Variants in TTN observed in about 807,000 individuals in gnomAD.
TTN encodes connectin.
A neutral mutation model predicts 3,223.0 loss-of-function variants in TTN; 1,525 were observed. The observed-to-expected ratio is 0.47, with a 90% CI of 0.45 to 0.49. TTN has a LOEUF of 0.49. Ranked by LOEUF, TTN falls within the 20% of genes least tolerant of loss-of-function variation. TTN has a pLI of 0.00. For missense variants in TTN, 40,786 were observed against 43,424.0 expected, an observed-to-expected ratio of 0.94 and a Z score of 5.40; for synonymous variants, 14,094 against 15,161.0, an observed-to-expected ratio of 0.93 and a Z score of 5.17.
chr2:178,566,317 T>C lies in TTN; in HGVS notation c.79815A>G (p.Arg26605=). The C allele has an allele frequency of 1.2e-6, 2 of 1,613,632 alleles. No individual in the cohort carries two copies. Among genetic ancestry groups the C allele is most frequent in the Non-Finnish European group, 1.7e-6 (2 of 1,179,688 alleles). Residue 26605 remains arginine (R), a synonymous_variant, in exon 326 of 363, where the codon AGA becomes AGG. Coordinates refer to ENST00000589042, the MANE Select transcript of TTN (RefSeq NM_001267550.2). ...TGTGAATTCTGGCAGATCCACCAGC[T>C]CTTACAACAATTCCTTTTCTTAATT... ...DSELRKGIVV[R]AGGSARIHIP...
rs1340087855 is a variant in TTN, at chr2:178,581,905, C to A, written c.66463+1G>T. The A allele has an allele frequency of 6.2e-7, 1 of 1,612,988 alleles. No individual in the cohort carries two copies. The highest frequency in any genetic ancestry group is 8.5e-7 in the Non-Finnish European group (1 of 1,179,392). On this transcript the variant is annotated splice_donor_variant, in intron 315 of 362. Transcript: ENST00000589042. LOFTEE classifies it high-confidence loss of function. ...TATGGAACTCGTTCATGAACACTTACACTGAGGGTCCCGAGCATAAGCGGC... is the reference window on the plus strand; with the variant it reads ...TATGGAACTCGTTCATGAACACTTAAACTGAGGGTCCCGAGCATAAGCGGC...
rs752309744 is a variant in TTN at position 178,546,040 on chromosome 2, C to T, written c.95196G>A (p.Pro31732=). The T allele has an allele frequency of 1.1e-4, 175 of 1,613,640 alleles. No homozygotes were observed. Among genetic ancestry groups the T allele is most frequent in the Middle Eastern group, 1.6e-4 (1 of 6,078 alleles). The change falls in exon 343 of 363, where the codon CCG becomes CCA. Residue 31732 remains proline, a synonymous_variant. Transcript: ENST00000589042. ...TGATTTCTGCTCCTCCGTCTTCCTG[C>T]GGAAGGCTCCAGGCTAAAGTGCACT... ...QEKCTLAWSL[P]QEDGGAEITH...
intron 169 of TTN, 47 bp downstream of exon 169, chr2:178,663,968 G>C (rs779168988): frequency 3.0e-5 from 48 of 1,610,412 alleles, no homozygotes; most frequent in Non-Finnish European, 2.9e-5. Context: ...ATATTGTCAA[G>C]AGCAGAAGAA....
chr2:178,710,269 A>G (rs1360135814), intron 98 of TTN, among the ~76,000 whole-genome samples: 1 of 152,132 alleles, frequency 6.6e-6, no homozygotes, highest in Non-Finnish European at 1.5e-5. Flanking sequence ...AACATGGTGA[A>G]ACCCCGTTTC....
chr2:178,653,106 T>G lies in TTN; in HGVS notation c.38810A>C (p.Glu12937Ala), dbSNP rs774955510. The change falls in exon 199 of 363, where the codon GAA (glutamate) becomes GCA (alanine). Residue 12937 changes from glutamate (E) to alanine (A), a missense_variant. Transcript: ENST00000589042. ...TGGCACTTTCTTTTCAGGAACAACT[T>G]CTTTGGGAGCCTCTGGCACTTAAAA... Reference protein sequence around the residue: ...PPVKVPEAPKEVVPEKKVPVT... With the variant: ...PPVKVPEAPKAVVPEKKVPVT... 2 of 1,612,786 alleles carry G rather than the reference T, an allele frequency of 1.2e-6. No homozygotes were observed. The highest frequency in any genetic ancestry group is 1.7e-6 in the Non-Finnish European group (2 of 1,179,400).
chr2:178,566,953 C>A lies in TTN; in HGVS notation c.79179G>T (p.Leu26393Phe). 6.2e-7 allele frequency: 1 copy of A among 1,613,562 alleles called. No homozygotes were observed. The highest frequency in any genetic ancestry group is 8.5e-7 in the Non-Finnish European group (1 of 1,179,658). The change falls in exon 326 of 363, where the codon TTG becomes TTT. Residue 26393 changes from leucine to phenylalanine, a missense_variant. Coordinates refer to ENST00000589042, the MANE Select transcript of TTN (RefSeq NM_001267550.2). ...PFVLPGPPKS[L>F]EVTNIAKDSM... is the part of the protein sequence containing the mutation. Reference sequence around the variant, plus strand: ...AGTCTTTGGCAATATTTGTGACTTCCAAGCTTTTTGGTGGTCCAGGAAGCA... The same window carrying A: ...AGTCTTTGGCAATATTTGTGACTTCAAAGCTTTTTGGTGGTCCAGGAAGCA...
rs542074139 is a variant in TTN at position 178,568,947 on chromosome 2, T to A, written c.77185A>T (p.Lys25729Ter). The change falls in exon 326 of 363, where the codon AAA becomes TAA. Residue 25729 changes from lysine (K) to a stop codon, truncating the protein, a stop_gained. Coordinates refer to ENST00000589042, the MANE Select transcript of TTN (RefSeq NM_001267550.2). LOFTEE classifies it high-confidence loss of function. ...ATTTCCACAATATACTGAATGATTT[T>A]ACTGCCACCATCATGTTCAGGTTTT... ...WTKPEHDGGS[K>*]IIQYIVEMQA... 22 of 1,613,482 alleles carry A rather than the reference T, an allele frequency of 1.4e-5. No homozygotes were observed. In the South Asian group the frequency reaches 2.3e-4, roughly 17 times the overall value.
intron 102 of TTN, 149 bp from the exon 103 acceptor site, chr2:178,705,506 A>G: frequency 1.4e-6 from 1 of 697,482 alleles, no homozygotes. Flanking sequence ...CTGTGAAACA[A>G]TTTAAAAATG....
intron 189 of TTN, among the ~76,000 whole-genome samples, chr2:178,655,240 A>T (rs1474439754): frequency 7.2e-6 from 1 of 139,684 alleles, no homozygotes; most frequent in Non-Finnish European, 1.5e-5. Context: ...ACAGCCCTTC[A>T]TGCTAAAGAC....
At chr2:178,611,344 T>TTAAC (rs757038945) in intron 269 of TTN, 28 bp downstream of exon 269, 1 of 1,610,944 alleles carries the variant, frequency 6.2e-7, no homozygotes, top group South Asian at 1.1e-5. Context: ...GGGTATTTTA[T>TTAAC]TAACTATAAA....
At position 178,572,578 on chromosome 2, in the gene TTN, A is replaced by T; in HGVS notation, c.73554T>A (p.Asp24518Glu). The T allele has an allele frequency of 1.2e-6, 2 of 1,613,444 alleles. No homozygotes were observed. Among genetic ancestry groups the T allele is most frequent in the South Asian group, 1.1e-5 (1 of 91,064 alleles). ...TCAGATCCTGTGGGGGGCCTGGTGTATCGAGAACTCTAACATTGACAAATG... is the reference window on the plus strand; with the variant it reads ...TCAGATCCTGTGGGGGGCCTGGTGTTTCGAGAACTCTAACATTGACAAATG... Reference protein sequence around the residue: ...KSAFVNVRVLDTPGPPQDLKV... With the variant: ...KSAFVNVRVLETPGPPQDLKV... Residue 24518 changes from aspartate to glutamate, a missense_variant, in exon 326 of 363, where the codon GAT (aspartate) becomes GAA (glutamate). Transcript: ENST00000589042.
Position 178,652,902 on chromosome 2 carries a change from C to A in TTN, c.38905G>T (p.Glu12969Ter). The A allele has an allele frequency of 3.1e-6, 5 of 1,609,244 alleles. No individual in the cohort carries two copies. Among genetic ancestry groups the A allele is most frequent in the Non-Finnish European group, 4.2e-6 (5 of 1,178,242 alleles). ...GGAGGAGCCAAGGGCATTTTCTTTT[C>A]AGGAACAACCTCTATGGGAGCCTCT... is the stretch of plus-strand genomic sequence containing the variant. ...VPEAPIEVVP[E>*]KKMPLAPPKK... The change falls in exon 200 of 363, where the codon GAA becomes TAA. Residue 12969 changes from glutamate to a stop codon, truncating the protein, a stop_gained. Coordinates refer to ENST00000589042, the MANE Select transcript of TTN (RefSeq NM_001267550.2). LOFTEE classifies it high-confidence loss of function.
chr2:178,619,961 A>G, intron 249 of TTN, 27 bp downstream of exon 249: 1 of 1,600,990 alleles, frequency 6.2e-7, no homozygotes, highest in South Asian at 1.1e-5. Flanking sequence ...TGGTAACATT[A>G]GAATTGTTTT....
chr2:178,620,647 T>C (rs556943069), intron 247 of TTN, 22 bp from the exon 248 acceptor site: 5 of 1,601,216 alleles, frequency 3.1e-6, no homozygotes, highest in East Asian at 4.5e-5. Context: ...GAGAAAAATA[T>C]GTTGATTTTA....
chr2:178,613,030 C>T lies in TTN; in HGVS notation c.49691G>A (p.Gly16564Asp), dbSNP rs759568659. 6.2e-7 allele frequency: 1 copy of T among 1,612,738 alleles called. No homozygotes were observed. The highest frequency in any genetic ancestry group is 8.5e-7 in the Non-Finnish European group (1 of 1,179,228). ...CCAATTCAACCTTACTGATGTTTTG[C>T]CTACATCTTTTACAGTTGGTTTTCC... ...PPGKPTVKDV[G>D]KTSVRLNWTK... Residue 16564 changes from glycine (G) to aspartate (D), a missense_variant, in exon 265 of 363, where the codon GGC (glycine) becomes GAC (aspartate). Transcript: ENST00000589042.
chr2:178,563,619 T>C lies in TTN; in HGVS notation c.82513A>G (p.Ile27505Val), dbSNP rs1270467286. ...CCTTCCTTATCTCGTTTTTCAAGAA[T>C]GTAGCCCTCAATTTCGGTACCTCCG... ...DDGGTEIEGY[I>V]LEKRDKEGVR... is the part of the protein sequence containing the mutation. The change falls in exon 326 of 363, where the codon ATT (isoleucine) becomes GTT (valine). Residue 27505 changes from isoleucine to valine, a missense_variant. Ile to Val is a conservative substitution (Grantham distance 29). Coordinates refer to ENST00000589042, the MANE Select transcript of TTN (RefSeq NM_001267550.2). This position sits in a 1 kb window ranked among gnomAD's most constrained non-coding sequence, Gnocchi z 4.5. 3 of 1,613,766 alleles carry C rather than the reference T, an allele frequency of 1.9e-6. No homozygotes were observed. Among genetic ancestry groups the C allele is most frequent in the Middle Eastern group, 1.6e-4 (1 of 6,062 alleles).
chr2:178,782,767 T>C (rs1574768960), intron 18 of TTN, 39 bp downstream of exon 18: 4 of 1,611,986 alleles, frequency 2.5e-6, no homozygotes, highest in Non-Finnish European at 2.5e-6. Flanking sequence ...ATGAAAGTGA[T>C]GGCATGTGCA....
Position 178,569,854 on chromosome 2 carries a change from C to T in TTN, c.76278G>A (p.Trp25426Ter), listed in dbSNP as rs1064794060. 1.2e-6 allele frequency: 2 copies of T among 1,613,356 alleles called. No individual in the cohort carries two copies. Among genetic ancestry groups the T allele is most frequent in the Non-Finnish European group, 1.7e-6 (2 of 1,179,604 alleles). ...DITRSSVFLS[W>*]SKPIYDGGCE... is the part of the protein sequence containing the mutation. ...AGCCACCATCATATATTGGTTTGCT[C>T]CAAGAAAGGAATACTGAAGATCTGG... Residue 25426 changes from tryptophan (W) to a stop codon, truncating the protein, a stop_gained, in exon 326 of 363, where the codon TGG becomes TGA. Coordinates refer to ENST00000589042, the MANE Select transcript of TTN (RefSeq NM_001267550.2). LOFTEE classifies it high-confidence loss of function.
intron 359 of TTN, 197 bp from the exon 360 acceptor site, chr2:178,529,416 C>T (rs369154867): frequency 1.9e-4 from 82 of 431,640 alleles, no homozygotes; most frequent in Non-Finnish European, 2.9e-4. Flanking sequence ...GTAATGATTC[C>T]TTAAACTAAA....
Sources: gnomAD v4.1 joint callset for allele counts (sites outside exome capture counted in the v4.1 genomes callset) on GRCh38, gnomAD v4.1.1 for gene constraint, Gnocchi (gnomAD v3.1) non-coding constraint, MANE v1.5 for transcripts, NCBI Gene and HGNC (gene_info 2026-07-23, HGNC 2026-07-21) for gene names.